Variants in TTC28 observed in about 807,000 individuals in gnomAD.
TTC28 encodes the protein tetratricopeptide repeat protein 28.
Under a neutral mutation model 198.0 loss-of-function variants are expected in TTC28, and 61 were observed. That is an observed-to-expected ratio of 0.31 (90% CI 0.25 to 0.38). The LOEUF (loss-of-function observed/expected upper bound fraction) is 0.38, where lower values mean the gene tolerates loss of function less well. TTC28 is among the 10% of genes least tolerant of loss of function. The pLI is 1.00. For synonymous variants in TTC28, 1,171 were observed against 1,297.8 expected (o/e 0.90, Z 2.10); for missense variants, 2,678 against 3,164.0 (o/e 0.85, Z 3.69).
rs963765687 is a variant in TTC28, at chr22:28,105,630, T to C, written c.2956A>G (p.Ile986Val). ...AISCLERQLN[I>V]ARDMKDRALE... ...GCTCGGTCTTTCATATCTCTAGCAA[T>C]GTTCAGCTGGCGTTCAAGGCAGGAA... Residue 986 changes from isoleucine (I) to valine (V), a missense_variant, in exon 8 of 23, where the codon ATT becomes GTT. Physicochemically the swap from Ile to Val is conservative, Grantham distance 29 (BLOSUM62 3). Coordinates refer to ENST00000397906, the MANE Select transcript of TTC28 (RefSeq NM_001145418.2). The C allele has an allele frequency of 1.3e-6, 2 of 1,552,036 alleles. No homozygotes were observed. Among genetic ancestry groups the C allele is most frequent in the Admixed American group, 2.0e-5 (1 of 51,000 alleles).
chr22:28,072,689 C>T (rs553343193), intron 12 of TTC28, among the ~76,000 whole-genome samples: 10 of 152,240 alleles, frequency 6.6e-5, no homozygotes, highest in African/African-American at 1.7e-4. Flanking sequence ...AAAAATGATG[C>T]CCCAGCGAAT....
chr22:28,134,455 G>C (rs985265578), intron 6 of TTC28, among the ~76,000 whole-genome samples: 7 of 152,110 alleles, frequency 4.6e-5, no homozygotes, highest in East Asian at 1.9e-4. Context: ...AAGCTAAAAA[G>C]TTGAAAAAAG....
At chr22:28,580,516 G>C (rs1225695043) in intron 2 of TTC28, among the ~76,000 whole-genome samples, 1 of 152,104 alleles carries the variant, frequency 6.6e-6, no homozygotes, top group African/African-American at 2.4e-5. Flanking sequence ...GGGATTACAG[G>C]CATGAGCCAC....
At chr22:28,290,417 G>A (rs1425031334) in intron 5 of TTC28, among the ~76,000 whole-genome samples, 1 of 152,024 alleles carries the variant, frequency 6.6e-6, no homozygotes, top group Non-Finnish European at 1.5e-5. Flanking sequence ...GATCTAATTA[G>A]TGCAATAATT....
At chr22:28,676,208 A>G (rs1446479732) in intron 1 of TTC28, among the ~76,000 whole-genome samples, 2 of 152,246 alleles carry the variant, frequency 1.3e-5, no homozygotes, top group East Asian at 3.8e-4. Context: ...TATACGCTAC[A>G]GCATGGATAA....
intron 2 of TTC28, among the ~76,000 whole-genome samples, chr22:28,587,890 C>T (rs759729500): frequency 1.8e-4 from 28 of 151,904 alleles, no homozygotes; most frequent in Admixed American, 1.6e-3. Flanking sequence ...GCCTGTAATC[C>T]TAGCACTTTG....
intron 5 of TTC28, among the ~76,000 whole-genome samples, chr22:28,224,075 T>C (rs1336356409): frequency 6.6e-6 from 1 of 151,992 alleles, no homozygotes; most frequent in Admixed American, 6.6e-5. Flanking sequence ...GGTAGGAGAG[T>C]TGCTACTGGC....
intron 5 of TTC28, among the ~76,000 whole-genome samples, chr22:28,278,741 A>C (rs540980864): frequency 5.9e-5 from 9 of 152,380 alleles, no homozygotes; most frequent in African/African-American, 2.2e-4. Context: ...AAAGCAAAGA[A>C]AGACAATGAG....
chr22:28,351,488 C>T (rs993454798), intron 2 of TTC28, among the ~76,000 whole-genome samples: 1 of 152,068 alleles, frequency 6.6e-6, no homozygotes, highest in African/African-American at 2.4e-5. Context: ...TAATTGAAGA[C>T]AAAATAATGA....
At chr22:28,095,237 A>G (rs776750125) in intron 11 of TTC28, among the ~76,000 whole-genome samples, 4 of 152,200 alleles carry the variant, frequency 2.6e-5, no homozygotes, top group African/African-American at 4.8e-5. Flanking sequence ...CGGTAAGAAC[A>G]TTCTTTGTGG....
intron 2 of TTC28, among the ~76,000 whole-genome samples, chr22:28,313,836 A>C (rs2045308187): frequency 6.6e-6 from 1 of 152,210 alleles, no homozygotes; most frequent in African/African-American, 2.4e-5. Flanking sequence ...ACTCCTATTC[A>C]ACATAGTATT....
At chr22:28,457,087 A>G (rs1490429231) in intron 2 of TTC28, among the ~76,000 whole-genome samples, 1 of 152,246 alleles carries the variant, frequency 6.6e-6, no homozygotes, top group Admixed American at 6.5e-5. Flanking sequence ...TCTGTAGCTC[A>G]TTTGTAAGAC....
chr22:28,591,040 C>CACATATATATATAT (rs1362164401), intron 2 of TTC28, among the ~76,000 whole-genome samples: 1 of 30,752 alleles, frequency 3.3e-5, no homozygotes, highest in African/African-American at 1.6e-4. Context: ...CACACACACA[C>CACATATATATATAT]ATATATATAT....
chr22:28,408,760 CCAA>C (rs1450022711), intron 2 of TTC28, among the ~76,000 whole-genome samples: 1 of 152,164 alleles, frequency 6.6e-6, no homozygotes, highest in Non-Finnish European at 1.5e-5. Flanking sequence ...CTACAGGCCA[CCAA>C]CATGTGTTGG....
chr22:28,193,894 A>C (rs986103483), intron 5 of TTC28, among the ~76,000 whole-genome samples: 1 of 152,054 alleles, frequency 6.6e-6, no homozygotes, highest in African/African-American at 2.4e-5. Context: ...AGAAAGTTAA[A>C]AAGGATTTCC....
intron 13 of TTC28, among the ~76,000 whole-genome samples, chr22:28,018,244 AGTGT>A (rs138612299): frequency 0.062 from 7,101 of 114,878 alleles, 264 homozygotes; most frequent in Admixed American, 0.14. Context: ...GCTGCTATTC[AGTGT>A]GTGTGTGTGT....
At chr22:28,070,761 A>G (rs2146771580) in intron 12 of TTC28, among the ~76,000 whole-genome samples, 1 of 152,350 alleles carries the variant, frequency 6.6e-6, no homozygotes, top group South Asian at 2.1e-4. Flanking sequence ...TTTCATCTTC[A>G]TCAAGAAAAG....
chr22:28,081,284 G>A (rs748511753), intron 12 of TTC28, among the ~76,000 whole-genome samples: 6 of 151,858 alleles, frequency 4.0e-5, no homozygotes, highest in African/African-American at 9.7e-5. Flanking sequence ...AGGTTCAAGC[G>A]ATTCTCATGC....
chr22:28,577,404 G>T (rs957993906), intron 2 of TTC28, among the ~76,000 whole-genome samples: 4 of 152,076 alleles, frequency 2.6e-5, no homozygotes, highest in Non-Finnish European at 5.9e-5. Flanking sequence ...GTCTATCCCT[G>T]AGAACGATCC....
Sources: gnomAD v4.1 joint callset for allele counts (sites outside exome capture counted in the v4.1 genomes callset) on GRCh38, gnomAD v4.1.1 for gene constraint, MANE v1.5 for transcripts, NCBI Gene and HGNC (gene_info 2026-07-23, HGNC 2026-07-21) for gene names.